The following STX5 variants were observed in gnomAD, a reference collection of about 807,000 sequenced individuals.
The protein encoded by STX5 is syntaxin-5.
STX5 carries 15 observed loss-of-function variants against 42.9 expected under a neutral mutation model. That is an observed-to-expected ratio of 0.35 (90% CI 0.23 to 0.54). The LOEUF is 0.54. Ranked by LOEUF, STX5 falls within the 20% of genes least tolerant of loss-of-function variation. The pLI, the probability that STX5 is intolerant of heterozygous loss-of-function variation, is 0.91. For missense variants in STX5, 430 were observed against 455.0 expected (o/e 0.95, Z 0.50); for synonymous variants, 184 against 173.2 (o/e 1.06, Z -0.49).
Position 62,827,016 on chromosome 11 carries a change from C to T in STX5, c.423+139G>A, listed in dbSNP as rs907874322. On this transcript the variant is annotated intron_variant, in intron 5 of 10. Transcript: ENST00000294179. ...CAGTGAGCTAGGTCACACCACTACACTCCAGACTGGTCAACACAGTGAGAC... is the reference window on the plus strand; with the variant it reads ...CAGTGAGCTAGGTCACACCACTACATTCCAGACTGGTCAACACAGTGAGAC... 2.8e-5 allele frequency: 20 copies of T among 721,928 alleles called. No individual in the cohort carries two copies. The African/African-American group carries it at 3.6e-4, about 13-fold the overall frequency. The allele number at this position is 721,928 out of a possible 1,614,324, so 44.7% of individuals were successfully genotyped here. A position where few individuals can be genotyped will look rare whatever the true frequency, so the allele number is the denominator to read the frequency against.
rs1304807661 is a variant in STX5, at chr11:62,831,187, A to G, written c.57T>C (p.Gly19=). 1 of 1,565,606 alleles carries G rather than the reference A, an allele frequency of 6.4e-7. No homozygotes were observed. The highest frequency in any genetic ancestry group is 1.3e-5 in the African/African-American group (1 of 74,338). Reference sequence around the variant, plus strand: ...GGGACAGGACCTGTGTCTTTGAGAGACCCAGGTAGACACCCTGATCCGTGT... The same window carrying G: ...GGGACAGGACCTGTGTCTTTGAGAGGCCCAGGTAGACACCCTGATCCGTGT... ...SKNTDQGVYL[G]LSKTQVLSPA... is the part of the protein sequence containing the mutation. The change falls in exon 2 of 11, where the codon GGT becomes GGC. Residue 19 remains glycine (G), a synonymous_variant. Transcript: ENST00000294179.
chr11:62,815,745 C>T (rs1475652985), intron 10 of STX5, among the ~76,000 whole-genome samples: 1 of 151,932 alleles, frequency 6.6e-6, no homozygotes, highest in Non-Finnish European at 1.5e-5. Context: ...CCATGTTGGC[C>T]AGGCTGGTCT....
chr11:62,809,265 G>A (rs1189975200), intron 10 of STX5, among the ~76,000 whole-genome samples: 2 of 148,140 alleles, frequency 1.4e-5, no homozygotes, highest in African/African-American at 5.0e-5. Context: ...TCCAGCCTGG[G>A]TGACAGAGCG....
chr11:62,818,766 G>A (rs1729357784), intron 10 of STX5, among the ~76,000 whole-genome samples: 1 of 151,038 alleles, frequency 6.6e-6, no homozygotes, highest in Non-Finnish European at 1.5e-5. Flanking sequence ...AGGAGGCTGA[G>A]GTGGGAGGTC....
At chr11:62,821,628 G>C (rs112675500) in intron 10 of STX5, among the ~76,000 whole-genome samples, 1 of 152,148 alleles carries the variant, frequency 6.6e-6, no homozygotes, top group Non-Finnish European at 1.5e-5. Flanking sequence ...GGAGGCTGAG[G>C]CAGGAGAATT....
chr11:62,825,252 T>C, intron 7 of STX5, 31 bp downstream of exon 7: 1 of 1,613,872 alleles, frequency 6.2e-7, no homozygotes, highest in Admixed American at 1.7e-5. Flanking sequence ...TACTCCCATA[T>C]TCCTACCCCT....
intron 10 of STX5, among the ~76,000 whole-genome samples, chr11:62,812,073 CTTT>C (rs1192177705): frequency 7.9e-5 from 9 of 113,784 alleles, no homozygotes; most frequent in Non-Finnish European, 1.3e-4. Context: ...ACTCAAATAC[CTTT>C]TTTTTTTTTT....
rs546066122 is a variant in STX5, at chr11:62,827,869, T to A, written c.226-238A>T. On this transcript the variant is annotated intron_variant, in intron 2 of 10. Transcript: ENST00000294179. ...ATTTGGGGCGAGTTACTTAAAACAT[T>A]CTAAATCTCTACTTTCTCTTCTATA... is the stretch of plus-strand genomic sequence containing the variant. Among the ~76,000 whole-genome samples, 4 of 152,076 alleles carry A rather than the reference T, an allele frequency of 2.6e-5. No individual in the cohort carries two copies. The South Asian group carries it at 8.3e-4, about 32-fold the overall frequency.
intron 10 of STX5, among the ~76,000 whole-genome samples, chr11:62,812,394 TTC>T (rs1158159453): frequency 3.3e-5 from 5 of 151,864 alleles, no homozygotes; most frequent in Admixed American, 6.6e-5. Context: ...TCTTTTATAA[TTC>T]TGTTTCACTG....
At chr11:62,829,254 G>A (rs751070779) in intron 2 of STX5, among the ~76,000 whole-genome samples, 3 of 150,952 alleles carry the variant, frequency 2.0e-5, no homozygotes, top group East Asian at 2.0e-4. Context: ...GAGAAACCCC[G>A]TCTCCACTCA....
In STX5 at chr11:62,812,368, C is replaced by T. The variant is rs182638809; in HGVS notation, c.909-4740G>A. Among the ~76,000 whole-genome samples, 91 of 152,196 alleles carry T rather than the reference C, an allele frequency of 6.0e-4. 2 individuals are homozygous for T. The highest frequency in any genetic ancestry group is 2.7e-3 in the South Asian group (13 of 4,830). On this transcript the variant is annotated intron_variant, in intron 10 of 10. Coordinates refer to ENST00000294179, the MANE Select transcript of STX5 (RefSeq NM_003164.5). ...CTGGGATTACAGGCATGAGCCACTG[C>T]GCCTGGCCCTCCATATCTTTTATAA...
At chr11:62,831,410 C>A in intron 1 of STX5, 148 bp from the exon 2 acceptor site, 5 of 696,316 alleles carry the variant, frequency 7.2e-6, no homozygotes, top group South Asian at 1.6e-5. Context: ...GGCGGACCAG[C>A]AGCGGAAAGG....
At chr11:62,831,381 G>C (rs1040335332) in intron 1 of STX5, 119 bp from the exon 2 acceptor site, 1 of 780,942 alleles carries the variant, frequency 1.3e-6, no homozygotes, top group African/African-American at 1.7e-5. Context: ...TTCGCGCCCA[G>C]GACGCTCGCA....
At chr11:62,816,806 A>T (rs560085941) in intron 10 of STX5, among the ~76,000 whole-genome samples, 2 of 150,700 alleles carry the variant, frequency 1.3e-5, no homozygotes, top group South Asian at 4.2e-4. Flanking sequence ...GAGGAAAGAG[A>T]ATCGCTTGAA....
At chr11:62,824,081 C>A (rs987067247) in intron 10 of STX5, 85 bp downstream of exon 10, 2 of 1,592,248 alleles carry the variant, frequency 1.3e-6, no homozygotes, top group African/African-American at 2.7e-5. Flanking sequence ...TTCCAAAAGG[C>A]ATCAAGCAGT....
intron 5 of STX5, among the ~76,000 whole-genome samples, chr11:62,825,782 C>G (rs1316502817): frequency 6.6e-6 from 1 of 152,150 alleles, no homozygotes; most frequent in Non-Finnish European, 1.5e-5. Context: ...TTGTAAATAA[C>G]TTGTTTACTC....
rs767728592 is a variant in STX5 at position 62,824,170 on chromosome 11, G to C, written c.904C>G (p.Gln302Glu). Residue 302 changes from glutamine to glutamate, a missense_variant, in exon 10 of 11, where the codon CAG becomes GAG. Coordinates refer to ENST00000294179, the MANE Select transcript of STX5 (RefSeq NM_003164.5). Reference sequence around the variant, plus strand: ...GGGCGAGAGAGTGTATCTCACCTCTGAATGGTTTCCTCCTGTTCCTTAACC... The same window carrying C: ...GGGCGAGAGAGTGTATCTCACCTCTCAATGGTTTCCTCCTGTTCCTTAACC... ...HMVKEQEETI[Q>E]RIDENVLGAQ... is the part of the protein sequence containing the mutation. 1 of 1,614,168 alleles carries C rather than the reference G, an allele frequency of 6.2e-7. No individual in the cohort carries two copies. The highest frequency in any genetic ancestry group is 8.5e-7 in the Non-Finnish European group (1 of 1,180,026).
intron 10 of STX5, among the ~76,000 whole-genome samples, chr11:62,808,954 G>A (rs976743926): frequency 1.3e-5 from 2 of 152,108 alleles, no homozygotes; most frequent in Non-Finnish European, 2.9e-5. Flanking sequence ...ATCTTCCTGG[G>A]TCTTAAATTG....
chr11:62,817,303 CAA>C (rs997621485), intron 10 of STX5, among the ~76,000 whole-genome samples: 2 of 152,166 alleles, frequency 1.3e-5, no homozygotes, highest in African/African-American at 4.8e-5. Context: ...AAGTCACCAA[CAA>C]TATCTACATT....
Sources: gnomAD v4.1 joint callset for allele counts (sites outside exome capture counted in the v4.1 genomes callset) on GRCh38, gnomAD v4.1.1 for gene constraint, MANE v1.5 for transcripts, NCBI Gene and HGNC (gene_info 2026-07-23, HGNC 2026-07-21) for gene names.